The following SLC43A2 variants were observed in gnomAD, a reference collection of about 807,000 sequenced individuals.
SLC43A2 encodes the protein large neutral amino acids transporter small subunit 4.
A neutral mutation model predicts 63.2 loss-of-function variants in SLC43A2; 38 were observed. That is an observed-to-expected ratio of 0.60 (90% confidence interval 0.46 to 0.79). SLC43A2 has a LOEUF of 0.79. Ranked by LOEUF, SLC43A2 falls within the 30% of genes least tolerant of loss-of-function variation. The pLI, the probability that SLC43A2 is intolerant of heterozygous loss-of-function variation, is 0.00. For synonymous variants in SLC43A2, 322 were observed against 331.0 expected, an observed-to-expected ratio of 0.97 and a Z score of 0.30; for missense variants, 644 against 756.2, an observed-to-expected ratio of 0.85 and a Z score of 1.74.
chr17:1,621,715 G>A (rs570107622), intron 2 of SLC43A2, among the ~76,000 whole-genome samples: 31 of 152,324 alleles, frequency 2.0e-4, no homozygotes, highest in African/African-American at 7.5e-4. Context: ...GAGTGTCCCC[G>A]AGGGATGCTC....
intron 11 of SLC43A2, among the ~76,000 whole-genome samples, chr17:1,579,157 T>TA (rs2075976862): frequency 7.3e-6 from 1 of 137,326 alleles, no homozygotes; most frequent in Non-Finnish European, 1.6e-5. Flanking sequence ...AAAATAATAA[T>TA]AATAATAATA....
At chr17:1,616,253 C>T (rs1191188849) in intron 3 of SLC43A2, 8 of 359,276 alleles carry the variant, frequency 2.2e-5, no homozygotes, top group South Asian at 5.9e-5. Context: ...CTCACACATG[C>T]GAGGGAAACC....
At chr17:1,603,085 T>C (rs8069863) in intron 5 of SLC43A2, 30,306 of 151,808 alleles carry the variant, frequency 0.2, 3,485 homozygotes, top group East Asian at 0.39. Flanking sequence ...ATAAATAGGG[T>C]AGGTATTAAC....
intron 2 of SLC43A2, among the ~76,000 whole-genome samples, chr17:1,623,080 T>C (rs763653668): frequency 1.3e-5 from 2 of 152,200 alleles, no homozygotes; most frequent in African/African-American, 4.8e-5. Context: ...CACTCCAGCC[T>C]GGGCGACAAG....
intron 2 of SLC43A2, among the ~76,000 whole-genome samples, chr17:1,619,956 G>A (rs190084160): frequency 6.6e-6 from 1 of 152,296 alleles, no homozygotes; most frequent in East Asian, 1.9e-4. Flanking sequence ...GGAATGGAGT[G>A]GGTGAGGCAG....
chr17:1,576,054 CG>C (rs1211799144), intron 13 of SLC43A2, among the ~76,000 whole-genome samples: 1 of 125,980 alleles, frequency 7.9e-6, no homozygotes, highest in Non-Finnish European at 1.7e-5. Flanking sequence ...GGAGGTGGGG[CG>C]GGGACAGGAA....
intron 5 of SLC43A2, among the ~76,000 whole-genome samples, chr17:1,600,168 T>TTTTTTTTA (rs1905833282): frequency 3.3e-5 from 3 of 90,332 alleles, no homozygotes; most frequent in Admixed American, 1.6e-4. Flanking sequence ...TTTTTTTTTT[T>TTTTTTTTA]GAGACGGAGT....
intron 3 of SLC43A2, 56 bp from the exon 4 acceptor site, chr17:1,615,090 T>C (rs1208709705): frequency 5.6e-6 from 9 of 1,598,822 alleles, no homozygotes; most frequent in African/African-American, 2.7e-5. Context: ...TTCAGTGTTA[T>C]TGTTTTGTTT....
At chr17:1,622,531 C>G (rs1484879342) in intron 2 of SLC43A2, among the ~76,000 whole-genome samples, 1 of 151,398 alleles carries the variant, frequency 6.6e-6, no homozygotes, top group Admixed American at 6.6e-5. Flanking sequence ...CGCCACTGCA[C>G]TCCAGCCTGG....
In SLC43A2 at chr17:1,576,669, G is replaced by C; in HGVS notation, c.1476C>G (p.Ser492Arg). ...GSLTGLQSLISALFALLQQPL... is the reference protein window; with the variant it reads ...GSLTGLQSLIRALFALLQQPL... ...GCTGCTGCAGAAGGGCGAAGAGCGC[G>C]CTGATCAGAGACTGCAGTCCCGTGA... Residue 492 changes from serine (S) to arginine (R), a missense_variant, in exon 13 of 14, where the codon AGC becomes AGG. Coordinates refer to ENST00000301335, the MANE Select transcript of SLC43A2 (RefSeq NM_152346.3). 6.2e-7 allele frequency: 1 copy of C among 1,611,082 alleles called. No individual in the cohort carries two copies. The highest frequency in any genetic ancestry group is 8.5e-7 in the Non-Finnish European group (1 of 1,179,984).
rs375949161 is a variant in SLC43A2 at position 1,591,423 on chromosome 17, C to T, written c.777G>A (p.Gly259=). The T allele has an allele frequency of 1.9e-6, 3 of 1,613,346 alleles. No homozygotes were observed. The South Asian group carries it at 3.3e-5, about 18-fold the overall frequency. ...TGGTCACCTGCTTGTAGAACTGCTT[C>T]CCTGTGATCTTGTGGTCAAAGCCCA... is the stretch of plus-strand genomic sequence containing the variant. The part of the protein sequence containing the change: ...SWLGFDHKIT[G]KQFYKQVTTV... The change falls in exon 8 of 14, where the codon GGG becomes GGA. Residue 259 remains glycine, a synonymous_variant. Coordinates refer to ENST00000301335, the MANE Select transcript of SLC43A2 (RefSeq NM_152346.3).
At chr17:1,628,624 C>G (rs895417537) in intron 1 of SLC43A2, among the ~76,000 whole-genome samples, 170 bp downstream of exon 1, 4 of 152,192 alleles carry the variant, frequency 2.6e-5, no homozygotes, top group African/African-American at 9.7e-5. Context: ...GGCCTCGGAC[C>G]CCCGCGCCTC....
chr17:1,626,838 T>C (rs1406671153), intron 2 of SLC43A2, among the ~76,000 whole-genome samples: 1 of 151,984 alleles, frequency 6.6e-6, no homozygotes. Context: ...AGAGGGAAAA[T>C]TTCCTGTCAA....
chr17:1,585,759 G>A (rs770921793), intron 10 of SLC43A2, 154 bp downstream of exon 10: 222 of 1,589,646 alleles, frequency 1.4e-4, no homozygotes, highest in Non-Finnish European at 1.8e-4. Flanking sequence ...CGCATGCTGA[G>A]CTGAATGAGT....
At position 1,585,291 on chromosome 17, in the gene SLC43A2, A is replaced by C. The variant is rs752127542; in HGVS notation, c.1217+622T>G. The C allele has an allele frequency of 4.9e-4, 472 of 972,352 alleles. 1 individual carries two copies. Among genetic ancestry groups the C allele is most frequent in the Non-Finnish European group, 5.7e-4 (461 of 805,838 alleles). The allele number at this position is 972,352 out of a possible 1,614,324, so 60.2% of individuals were successfully genotyped here. On this transcript the variant is annotated intron_variant, in intron 10 of 13. Coordinates refer to ENST00000301335, the MANE Select transcript of SLC43A2 (RefSeq NM_152346.3). ...AGTCTTGCTCTGTTGCCCAGGCTGG[A>C]AGTGCAATGGCGTGATCTCGGCTCA...
At chr17:1,628,007 G>C (rs1051830495) in intron 1 of SLC43A2, 87 bp from the exon 2 acceptor site, 27 of 1,209,306 alleles carry the variant, frequency 2.2e-5, no homozygotes, top group Non-Finnish European at 2.7e-5. Context: ...CGCAGGGCTC[G>C]GGATTGCCAC....
chr17:1,616,817 T>C (rs1907729433), intron 2 of SLC43A2, 48 bp from the exon 3 acceptor site: 1 of 1,598,420 alleles, frequency 6.3e-7, no homozygotes, highest in East Asian at 2.2e-5. Flanking sequence ...ATGACAGGGA[T>C]TCCCAAAGAT....
intron 2 of SLC43A2, among the ~76,000 whole-genome samples, 174 bp from the exon 3 acceptor site, chr17:1,616,943 C>A (rs7209071): frequency 0.52 from 79,397 of 152,086 alleles, 22,881 homozygotes; most frequent in Middle Eastern, 0.73. Context: ...TGGCCCAAGT[C>A]CCCTGGAGTG....
chr17:1,629,977 C>G (rs1383126683), upstream of SLC43A2, among the ~76,000 whole-genome samples: 1 of 152,192 alleles, frequency 6.6e-6, no homozygotes, highest in Admixed American at 6.5e-5. Flanking sequence ...GCGGTGTCCA[C>G]GTCTGGAATC....
Sources: gnomAD v4.1 joint callset for allele counts (sites outside exome capture counted in the v4.1 genomes callset) on GRCh38, gnomAD v4.1.1 for gene constraint, MANE v1.5 for transcripts, NCBI Gene and HGNC (gene_info 2026-07-23, HGNC 2026-07-21) for gene names.